GPAT3: variants seen among roughly 807,000 people sequenced by gnomAD.
GPAT3 encodes 1-AGP acyltransferase 9.
Under a neutral mutation model 58.8 loss-of-function variants are expected in GPAT3, and 53 were observed. The observed-to-expected ratio is 0.90, with a 90% CI of 0.72 to 1.13. The LOEUF (loss-of-function observed/expected upper bound fraction) is 1.13, where lower values mean the gene tolerates loss of function less well. Ranked by LOEUF, GPAT3 falls within the 50% of genes most tolerant of loss-of-function variation. GPAT3 has a pLI of 0.00. For missense variants in GPAT3, 511 were observed against 527.6 expected (o/e 0.97, Z 0.31); for synonymous variants, 197 against 187.4 (o/e 1.05, Z -0.42).
At chr4:83,536,869 C>A in intron 1 of GPAT3, 106 bp downstream of exon 1, 2 of 1,010,446 alleles carry the variant, frequency 2.0e-6, no homozygotes, top group Non-Finnish European at 1.5e-6. Flanking sequence ...TGTGTGCGCG[C>A]GTGTGCATGC....
intron 6 of GPAT3, among the ~76,000 whole-genome samples, chr4:83,594,570 A>T (rs1726739496): frequency 6.6e-6 from 1 of 152,174 alleles, no homozygotes. Flanking sequence ...GTTTTAATTT[A>T]CATTTCTCTA....
At chr4:83,540,301 G>T (rs1448690520) in intron 1 of GPAT3, among the ~76,000 whole-genome samples, 1 of 152,166 alleles carries the variant, frequency 6.6e-6, no homozygotes, top group Non-Finnish European at 1.5e-5. Flanking sequence ...ACTTTCCTTG[G>T]GGGGCAGAGA....
chr4:83,542,510 C>T (rs1361674367), intron 1 of GPAT3, among the ~76,000 whole-genome samples: 2 of 152,218 alleles, frequency 1.3e-5, no homozygotes, highest in South Asian at 2.1e-4. Context: ...TCTTGTTTGG[C>T]TCTGTGGGTT....
chr4:83,596,893 C>G lies in GPAT3; in HGVS notation c.890C>G (p.Pro297Arg). ...CATATTGCTGATAAGAAGAAACTAC[C>G]CATACTAATTTTTCCTGAAGGTAAG... is the stretch of plus-strand genomic sequence containing the variant. ...KEHIADKKKL[P>R]ILIFPEGTCI... Residue 297 changes from proline (P) to arginine (R), a missense_variant, in exon 8 of 12, where the codon CCC becomes CGC. By Grantham distance (103) the Pro-to-Arg change is moderately radical. Transcript: ENST00000264409. 1.9e-6 allele frequency: 3 copies of G among 1,600,528 alleles called. No homozygotes were observed. Among genetic ancestry groups the G allele is most frequent in the Non-Finnish European group, 2.5e-6 (3 of 1,176,758 alleles).
intron 5 of GPAT3, among the ~76,000 whole-genome samples, chr4:83,588,584 A>C (rs17006903): frequency 0.018 from 2,806 of 152,310 alleles, 85 homozygotes; most frequent in African/African-American, 0.061. Context: ...TGAGATAGGC[A>C]CTGTTAACCC....
At chr4:83,553,246 G>A (rs779255487) in intron 2 of GPAT3, among the ~76,000 whole-genome samples, 1 of 152,182 alleles carries the variant, frequency 6.6e-6, no homozygotes, top group African/African-American at 2.4e-5. Flanking sequence ...ACTGCATTGC[G>A]AAGTGATGGG....
chr4:83,563,478 C>CTTTTTTTTTTTTTTTTTTTTTTTTTT (rs908400401), intron 2 of GPAT3, among the ~76,000 whole-genome samples: 10 of 114,454 alleles, frequency 8.7e-5, no homozygotes, highest in Non-Finnish European at 1.5e-4. Flanking sequence ...TTTCTTTCTT[C>CTTTTTTTTTTTTTTTTTTTTTTTTTT]TTTTTTTTTT....
intron 2 of GPAT3, among the ~76,000 whole-genome samples, chr4:83,553,158 A>G (rs1415485141): frequency 1.3e-5 from 2 of 152,188 alleles, no homozygotes; most frequent in African/African-American, 4.8e-5. Flanking sequence ...AACTTTGACC[A>G]CTGATGAATG....
At chr4:83,593,025 C>A (rs1197357562) in intron 6 of GPAT3, among the ~76,000 whole-genome samples, 1 of 150,936 alleles carries the variant, frequency 6.6e-6, no homozygotes, top group Admixed American at 6.6e-5. Flanking sequence ...CACCACCATG[C>A]CCAGTTAATT....
chr4:83,581,028 G>A (rs893174677), intron 2 of GPAT3, among the ~76,000 whole-genome samples: 5 of 149,528 alleles, frequency 3.3e-5, no homozygotes, highest in South Asian at 2.1e-4. Flanking sequence ...CCCGGGAGGC[G>A]GAGCTTGCAG....
At chr4:83,593,166 C>CTTT (rs761351611) in intron 6 of GPAT3, among the ~76,000 whole-genome samples, 2 of 112,374 alleles carry the variant, frequency 1.8e-5, no homozygotes, top group East Asian at 2.9e-4. Context: ...CGAGCCAGGA[C>CTTT]TTTTTTTTTT....
intron 2 of GPAT3, among the ~76,000 whole-genome samples, chr4:83,566,419 TTTATTA>T (rs10688921): frequency 2.0e-4 from 28 of 143,584 alleles, no homozygotes; most frequent in South Asian, 8.8e-4. Flanking sequence ...AATTAATTAA[TTTATTA>T]TTATTATTAT....
chr4:83,574,384 C>CAT (rs1725707952), intron 2 of GPAT3, among the ~76,000 whole-genome samples: 1 of 152,196 alleles, frequency 6.6e-6, no homozygotes, highest in Non-Finnish European at 1.5e-5. Context: ...ATGGTTTCAA[C>CAT]TTCTGCCTTC....
In GPAT3 at chr4:83,569,670, G is replaced by A. The variant is rs148083706; in HGVS notation, c.209-11892G>A. ...TAGCAGAGGGCAGAACGGTCTCCTT[G>A]GACAACGTGGACCTGGCTGAACTAC... is the stretch of plus-strand genomic sequence containing the variant. On this transcript the variant is annotated intron_variant, in intron 2 of 11. Coordinates refer to ENST00000264409, the MANE Select transcript of GPAT3 (RefSeq NM_032717.5). Among the ~76,000 whole-genome samples, 837 of 152,304 alleles carry A rather than the reference G, an allele frequency of 5.5e-3. 5 individuals are homozygous for A. Among genetic ancestry groups the A allele is most frequent in the African/African-American group, 0.019 (770 of 41,560 alleles).
intron 2 of GPAT3, among the ~76,000 whole-genome samples, chr4:83,547,525 T>C (rs1376513832): frequency 6.6e-6 from 1 of 152,068 alleles, no homozygotes; most frequent in African/African-American, 2.4e-5. Flanking sequence ...GTGCTGGGAT[T>C]ACAGGCGTGA....
At chr4:83,578,988 C>T (rs1725946595) in intron 2 of GPAT3, among the ~76,000 whole-genome samples, 1 of 104,598 alleles carries the variant, frequency 9.6e-6, no homozygotes, top group Non-Finnish European at 1.8e-5. Context: ...TTCTTTCTTT[C>T]CTTCCTTCCT....
chr4:83,562,187 A>ATATATATATATATAATATATATAT (rs1560610735), intron 2 of GPAT3, among the ~76,000 whole-genome samples: 8 of 52,898 alleles, frequency 1.5e-4, no homozygotes, highest in African/African-American at 8.8e-4. Flanking sequence ...TATTATATAT[A>ATATATATATATATAATATATATAT]TATATATATA....
At chr4:83,547,354 G>T (rs1220247033) in intron 2 of GPAT3, among the ~76,000 whole-genome samples, 5 of 140,970 alleles carry the variant, frequency 3.5e-5, no homozygotes, top group African/African-American at 1.3e-4. Flanking sequence ...CCAGATTCAC[G>T]CCATTCTCCT....
intron 2 of GPAT3, 74 bp from the exon 3 acceptor site, chr4:83,581,488 A>G (rs1319064603): frequency 5.4e-6 from 8 of 1,468,702 alleles, no homozygotes; most frequent in Middle Eastern, 1.8e-4. Context: ...TAACTTCTAC[A>G]CAGTTAAAGT....
Sources: allele counts gnomAD v4.1 joint callset (sites outside exome capture counted in the v4.1 genomes callset), GRCh38; gene constraint gnomAD v4.1.1; transcripts MANE v1.5; gene names NCBI Gene and HGNC (gene_info 2026-07-23, HGNC 2026-07-21).